The following RABGAP1L variants were observed in gnomAD, a reference collection of about 807,000 sequenced individuals.
RABGAP1L encodes rab GTPase-activating protein 1-like.
A neutral mutation model predicts 137.7 loss-of-function variants in RABGAP1L; 63 were observed. The observed-to-expected ratio is 0.46, with a 90% CI of 0.37 to 0.56. RABGAP1L has a LOEUF of 0.56. RABGAP1L is among the 20% of genes least tolerant of loss of function. The probability of loss-of-function intolerance (pLI) is 0.00; values close to 1 mark genes in which losing one functional copy is unlikely to be tolerated. For missense variants in RABGAP1L, 1,095 were observed against 1,244.0 expected, an observed-to-expected ratio of 0.88 and a Z score of 1.80; for synonymous variants, 431 against 433.7, an observed-to-expected ratio of 0.99 and a Z score of 0.08.
chr1:174,249,998 A>G (rs1482527974), intron 5 of RABGAP1L, among the ~76,000 whole-genome samples: 2 of 152,114 alleles, frequency 1.3e-5, no homozygotes, highest in African/African-American at 4.8e-5. Flanking sequence ...CTCCTAAATC[A>G]TAGTTCTCTT....
intron 18 of RABGAP1L, among the ~76,000 whole-genome samples, chr1:174,781,252 G>A (rs1016668424): frequency 7.9e-5 from 12 of 152,078 alleles, no homozygotes; most frequent in African/African-American, 2.9e-4. Context: ...ACTTTTTAAT[G>A]ATCGCCATTC....
chr1:174,250,488 TG>T lies in RABGAP1L; in HGVS notation c.732del (p.Leu244PhefsTer39). 6.2e-7 allele frequency: 1 copy of T among 1,605,474 alleles called. No homozygotes were observed. The highest frequency in any genetic ancestry group is 8.5e-7 in the Non-Finnish European group (1 of 1,175,870). On this transcript the variant is annotated frameshift_variant, in exon 6 of 26. Transcript: ENST00000681986. LOFTEE classifies it high-confidence loss of function. ...TTATTCTTTTAGGTAAGCAGAATTT[TG>T]TACAGTTTCTGTACAGCATTCAAAC... ...CEIKEAVSRILYSFCTAFKRS... is the reference protein window; with the variant it reads ...CEIKEAVSRIXYSFCTAFKRS...
At chr1:174,476,388 G>A (rs938219460) in intron 13 of RABGAP1L, among the ~76,000 whole-genome samples, 1 of 152,030 alleles carries the variant, frequency 6.6e-6, no homozygotes, top group African/African-American at 2.4e-5. Flanking sequence ...TATAAGTAAA[G>A]CAATTGTAAA....
At chr1:174,877,344 C>CTCTT (rs367996440) in intron 19 of RABGAP1L, 15 of 807,834 alleles carry the variant, frequency 1.9e-5, no homozygotes, top group African/African-American at 9.1e-5. Flanking sequence ...TTTTTTCTTT[C>CTCTT]TCTTTCTTTC....
intron 1 of RABGAP1L, among the ~76,000 whole-genome samples, chr1:174,169,605 A>G (rs1250679564): frequency 6.6e-6 from 1 of 152,198 alleles, no homozygotes; most frequent in Non-Finnish European, 1.5e-5. Context: ...CCTATTTTGA[A>G]TATAAATTTC....
chr1:174,542,394 G>T (rs1390064401), intron 13 of RABGAP1L, among the ~76,000 whole-genome samples: 1 of 152,170 alleles, frequency 6.6e-6, no homozygotes, highest in Non-Finnish European at 1.5e-5. Flanking sequence ...AGTGTTTATA[G>T]TATTCTCTGA....
intron 14 of RABGAP1L, among the ~76,000 whole-genome samples, chr1:174,676,179 T>C (rs1467592932): frequency 1.3e-5 from 2 of 152,186 alleles, no homozygotes; most frequent in African/African-American, 4.8e-5. Flanking sequence ...CTGATTTTAG[T>C]TGACAAAACA....
chr1:174,696,274 G>T (rs1272538554), intron 15 of RABGAP1L, among the ~76,000 whole-genome samples: 2 of 152,010 alleles, frequency 1.3e-5, no homozygotes, highest in Non-Finnish European at 2.9e-5. Flanking sequence ...GCAGGACAAA[G>T]TCCTCTTTAC....
rs1200424962 is a variant in RABGAP1L, at chr1:174,728,701, G to A, written c.2170-23612G>A. ...CACCCTCCCAGGCTGGAGTGCAGTG[G>A]TACGATCTCGGCTCACTGCAACCTC... On this transcript the variant is annotated intron_variant, in intron 17 of 25. Transcript: ENST00000681986. Among the ~76,000 whole-genome samples, 4 of 151,290 alleles carry A rather than the reference G, an allele frequency of 2.6e-5. No homozygotes were observed. In the East Asian group the frequency reaches 7.8e-4, roughly 30 times the overall value.
At chr1:174,210,578 A>T (rs1668812995) in intron 1 of RABGAP1L, among the ~76,000 whole-genome samples, 1 of 152,190 alleles carries the variant, frequency 6.6e-6, no homozygotes, top group Non-Finnish European at 1.5e-5. Flanking sequence ...AAAAACAATG[A>T]AGCATGCCTA....
intron 13 of RABGAP1L, among the ~76,000 whole-genome samples, chr1:174,437,358 G>T (rs921996205): frequency 6.6e-6 from 1 of 151,888 alleles, no homozygotes; most frequent in African/African-American, 2.4e-5. Flanking sequence ...AATAACCAAT[G>T]CAGGGAAGTC....
At chr1:174,894,194 G>A (rs1656752011) in intron 19 of RABGAP1L, among the ~76,000 whole-genome samples, 2 of 152,194 alleles carry the variant, frequency 1.3e-5, no homozygotes, top group African/African-American at 4.8e-5. Flanking sequence ...CATTTAACCA[G>A]AAGCTCTACA....
chr1:174,952,937 C>T (rs985536259), intron 19 of RABGAP1L, among the ~76,000 whole-genome samples: 1 of 149,006 alleles, frequency 6.7e-6, no homozygotes, highest in Non-Finnish European at 1.5e-5. Flanking sequence ...CTGAGGAGGG[C>T]AGATCACTTG....
chr1:174,486,223 C>CTTTT (rs201692363), intron 13 of RABGAP1L, among the ~76,000 whole-genome samples: 1 of 119,874 alleles, frequency 8.3e-6, no homozygotes, highest in Non-Finnish European at 1.8e-5. Flanking sequence ...GTTCTTTTTT[C>CTTTT]TTTTTTTTTT....
chr1:174,438,780 C>CT (rs1285660247), intron 13 of RABGAP1L, among the ~76,000 whole-genome samples: 1 of 76,648 alleles, frequency 1.3e-5, no homozygotes, highest in Non-Finnish European at 2.5e-5. Context: ...ATATATATGA[C>CT]TTTTTAATTT....
At chr1:174,966,246 G>A (rs1343618978) in intron 20 of RABGAP1L, among the ~76,000 whole-genome samples, 1 of 152,058 alleles carries the variant, frequency 6.6e-6, no homozygotes, top group Non-Finnish European at 1.5e-5. Context: ...TTGTACTTTG[G>A]GGTTATACAA....
chr1:174,418,430 T>C (rs1370337313), intron 13 of RABGAP1L, among the ~76,000 whole-genome samples: 1 of 152,220 alleles, frequency 6.6e-6, no homozygotes, highest in Non-Finnish European at 1.5e-5. Context: ...AATTATTGAA[T>C]GTAAGGTCCC....
rs878878412 is a variant in RABGAP1L, at chr1:174,957,336, C to T, written c.2341-121C>T. The stretch of plus-strand genomic sequence containing the variant: ...CCTCTACTCTGGAATCTCTATTTTT[C>T]TCCTAACTTTGAGTTGAGCATGTTC... On this transcript the variant is annotated intron_variant, in intron 19 of 25. Coordinates refer to ENST00000681986, the MANE Select transcript of RABGAP1L (RefSeq NM_001366446.1). 5.5e-6 allele frequency: 4 copies of T among 722,416 alleles called. 1 individual carries two copies. Among genetic ancestry groups the T allele is most frequent in the South Asian group, 3.5e-5 (2 of 57,538 alleles). The allele number at this position is 722,416 out of a possible 1,614,324, so 44.8% of individuals were successfully genotyped here.
chr1:174,900,114 C>G (rs1187305768), intron 19 of RABGAP1L, among the ~76,000 whole-genome samples: 1 of 152,106 alleles, frequency 6.6e-6, no homozygotes, highest in Non-Finnish European at 1.5e-5. Flanking sequence ...CTCTGAATGC[C>G]CATAGGTATT....
Sources: allele counts gnomAD v4.1 joint callset (sites outside exome capture counted in the v4.1 genomes callset), GRCh38; gene constraint gnomAD v4.1.1; transcripts MANE v1.5; gene names NCBI Gene and HGNC (gene_info 2026-07-23, HGNC 2026-07-21).